The following MAPKAP1 variants were observed in gnomAD, a reference collection of about 807,000 sequenced individuals.
The protein encoded by MAPKAP1 is MAPK associated protein 1.
In MAPKAP1, 20 loss-of-function variants were observed where a neutral mutation model predicts 65.7. The observed-to-expected ratio is 0.30, with a 90% CI of 0.21 to 0.44. MAPKAP1 has a LOEUF of 0.44. MAPKAP1 is among the 20% of genes least tolerant of loss of function. The probability of loss-of-function intolerance (pLI) is 1.00; values close to 1 mark genes in which losing one functional copy is unlikely to be tolerated. For synonymous variants in MAPKAP1, 222 were observed against 244.3 expected (o/e 0.91, Z 0.85); for missense variants, 423 against 648.0 (o/e 0.65, Z 3.77).
chr9:125,441,198 AC>A (rs1852468712), intron 11 of MAPKAP1, among the ~76,000 whole-genome samples: 1 of 152,118 alleles, frequency 6.6e-6, no homozygotes, highest in Non-Finnish European at 1.5e-5. Flanking sequence ...AGCCTCCATC[AC>A]TCAATCACGA....
intron 4 of MAPKAP1, among the ~76,000 whole-genome samples, chr9:125,651,487 C>T (rs1405824706): frequency 6.6e-6 from 1 of 152,044 alleles, no homozygotes; most frequent in East Asian, 1.9e-4. Flanking sequence ...CGCCTGTAAT[C>T]CCAGCTACTC....
intron 7 of MAPKAP1, among the ~76,000 whole-genome samples, chr9:125,516,127 T>C (rs1234148722): frequency 6.6e-6 from 1 of 152,228 alleles, no homozygotes; most frequent in Non-Finnish European, 1.5e-5. Flanking sequence ...ACTGACCTGA[T>C]TTTACTGAAA....
intron 3 of MAPKAP1, among the ~76,000 whole-genome samples, chr9:125,664,089 G>A (rs1588051580): frequency 1.3e-5 from 2 of 152,268 alleles, no homozygotes. Flanking sequence ...GCTCACACCT[G>A]TAATCCCAGC....
At chr9:125,688,393 C>T (rs1399217726) in intron 1 of MAPKAP1, among the ~76,000 whole-genome samples, 2 of 152,182 alleles carry the variant, frequency 1.3e-5, no homozygotes, top group Non-Finnish European at 2.9e-5. Flanking sequence ...CGGCCTCGGC[C>T]TCCCAAAGTA....
At chr9:125,525,981 C>T (rs568479271) in intron 7 of MAPKAP1, among the ~76,000 whole-genome samples, 1 of 152,206 alleles carries the variant, frequency 6.6e-6, no homozygotes, top group Non-Finnish European at 1.5e-5. Flanking sequence ...AATGCACTGA[C>T]GTAGGCGTTC....
chr9:125,551,419 G>A (rs1475730566), intron 6 of MAPKAP1, among the ~76,000 whole-genome samples: 1 of 152,148 alleles, frequency 6.6e-6, no homozygotes, highest in Non-Finnish European at 1.5e-5. Flanking sequence ...AGAGCCAAGA[G>A]AAGCCAAGGT....
At chr9:125,597,953 C>T (rs1257183485) in intron 4 of MAPKAP1, among the ~76,000 whole-genome samples, 2 of 151,958 alleles carry the variant, frequency 1.3e-5, no homozygotes, top group East Asian at 3.9e-4. Context: ...ATGAGCACTA[C>T]TCTAATGATA....
chr9:125,536,471 C>A (rs902747380), intron 7 of MAPKAP1, among the ~76,000 whole-genome samples: 1 of 152,186 alleles, frequency 6.6e-6, no homozygotes, highest in Non-Finnish European at 1.5e-5. Context: ...CCTATTCATC[C>A]CCTATGCATG....
At chr9:125,544,100 G>A (rs886370104) in intron 6 of MAPKAP1, among the ~76,000 whole-genome samples, 1 of 151,760 alleles carries the variant, frequency 6.6e-6, no homozygotes, top group Admixed American at 6.6e-5. Flanking sequence ...AACCTCTGCT[G>A]CCCAGGTTCA....
At chr9:125,569,250 C>T (rs936145881) in intron 5 of MAPKAP1, among the ~76,000 whole-genome samples, 1 of 152,158 alleles carries the variant, frequency 6.6e-6, no homozygotes, top group African/African-American at 2.4e-5. Flanking sequence ...TCATAGTTAG[C>T]TCTAAAAATC....
intron 4 of MAPKAP1, among the ~76,000 whole-genome samples, chr9:125,603,498 G>A (rs1451968568): frequency 6.6e-6 from 1 of 152,196 alleles, no homozygotes; most frequent in African/African-American, 2.4e-5. Context: ...GCAATTATCT[G>A]CAGAAATGGG....
chr9:125,531,195 G>T (rs750075272), intron 7 of MAPKAP1, among the ~76,000 whole-genome samples: 1 of 152,188 alleles, frequency 6.6e-6, no homozygotes, highest in Non-Finnish European at 1.5e-5. Flanking sequence ...CCACTGAGCC[G>T]TGGGCCCCGT....
chr9:125,577,262 G>A (rs1287845163), intron 5 of MAPKAP1, among the ~76,000 whole-genome samples: 51 of 151,738 alleles, frequency 3.4e-4, no homozygotes, highest in African/African-American at 1.2e-3. Context: ...CGTCTGAGAA[G>A]TGAGGAGCCC....
chr9:125,443,530 C>A (rs910334339), intron 11 of MAPKAP1, among the ~76,000 whole-genome samples: 5 of 152,160 alleles, frequency 3.3e-5, no homozygotes, highest in African/African-American at 1.2e-4. Flanking sequence ...CCCAGACCAG[C>A]GGCCAAAGCA....
At chr9:125,619,576 T>C (rs906061698) in intron 4 of MAPKAP1, among the ~76,000 whole-genome samples, 1 of 151,914 alleles carries the variant, frequency 6.6e-6, no homozygotes, top group African/African-American at 2.4e-5. Context: ...AACTACTACA[T>C]AGAATTTGGT....
At chr9:125,484,069 G>A (rs923529783) in intron 9 of MAPKAP1, among the ~76,000 whole-genome samples, 1 of 152,128 alleles carries the variant, frequency 6.6e-6, no homozygotes, top group Non-Finnish European at 1.5e-5. Flanking sequence ...CCTGAATAAA[G>A]GCCTGAATGA....
intron 4 of MAPKAP1, among the ~76,000 whole-genome samples, chr9:125,600,109 A>G (rs1832257943): frequency 1.3e-5 from 2 of 152,202 alleles, no homozygotes; most frequent in Admixed American, 1.3e-4. Flanking sequence ...AGTTTGATTA[A>G]TAGCCTCAAA....
intron 11 of MAPKAP1, among the ~76,000 whole-genome samples, chr9:125,442,536 TA>T (rs11450537): frequency 1.4e-3 from 188 of 137,180 alleles, no homozygotes; most frequent in Admixed American, 4.8e-3. Flanking sequence ...ATGCTGGCTA[TA>T]AAAAAAAAAA....
intron 10 of MAPKAP1, among the ~76,000 whole-genome samples, chr9:125,462,757 G>C (rs917774691): frequency 2.6e-5 from 4 of 152,158 alleles, no homozygotes; most frequent in African/African-American, 9.7e-5. Context: ...GTATAATCTA[G>C]GAAAACTGGA....
Sources: gnomAD v4.1 joint callset for allele counts (sites outside exome capture counted in the v4.1 genomes callset) on GRCh38, gnomAD v4.1.1 for gene constraint, MANE v1.5 for transcripts, NCBI Gene and HGNC (gene_info 2026-07-23, HGNC 2026-07-21) for gene names.